The following PFKFB3 variants were observed in gnomAD, a reference collection of about 807,000 sequenced individuals.
PFKFB3 encodes 6-phosphofructo-2-kinase/fructose-2,6-bisphosphatase 3.
A neutral mutation model predicts 68.0 loss-of-function variants in PFKFB3; 33 were observed. The observed-to-expected ratio is 0.49, with a 90% CI of 0.37 to 0.65. The LOEUF is 0.65. Ranked by LOEUF, PFKFB3 falls within the 30% of genes least tolerant of loss-of-function variation. The pLI, the probability that PFKFB3 is intolerant of heterozygous loss-of-function variation, is 0.00. For synonymous variants in PFKFB3, 315 were observed against 288.2 expected, an observed-to-expected ratio of 1.09 and a Z score of -0.94; for missense variants, 586 against 712.2, an observed-to-expected ratio of 0.82 and a Z score of 2.02.
chr10:6,178,817 A>G (rs1008672806), intron 1 of PFKFB3, among the ~76,000 whole-genome samples: 8 of 152,156 alleles, frequency 5.3e-5, no homozygotes, highest in Non-Finnish European at 7.4e-5. Flanking sequence ...CTCGGCCCCA[A>G]TCTGCTTCTG....
chr10:6,293,634 C>T, the PFKFB3 span: 124,731 of 235,666 alleles, frequency 0.53, 35,951 homozygotes, highest in Non-Finnish European at 0.65. Context: ...GCGTGAGCCA[C>T]GACGTCCGGT....
intron 1 of PFKFB3, among the ~76,000 whole-genome samples, chr10:6,187,844 CT>C (rs936164983): frequency 2.0e-5 from 3 of 152,102 alleles, no homozygotes; most frequent in African/African-American, 7.2e-5. Flanking sequence ...TAATTCCAGA[CT>C]TAATAGAAAA....
chr10:6,231,398 G>T, intron 14 of PFKFB3: 1 of 1,594,552 alleles, frequency 6.3e-7, no homozygotes. Context: ...CGTGCAATGC[G>T]GGGCTCATCT....
intron 1 of PFKFB3, chr10:6,163,959 A>T (rs592866): frequency 0.61 from 92,514 of 152,130 alleles, 30,931 homozygotes; most frequent in Non-Finnish European, 0.77. Flanking sequence ...ATGTTTTCCG[A>T]GAAGGCCTGG....
chr10:6,266,523 T>A, the PFKFB3 span, among the ~76,000 whole-genome samples: 1 of 152,096 alleles, frequency 6.6e-6, no homozygotes, highest in Non-Finnish European at 1.5e-5. Context: ...GCTTCTAGGG[T>A]GTTTCAGTGG....
intron 1 of PFKFB3, among the ~76,000 whole-genome samples, chr10:6,167,340 G>A (rs1385890834): frequency 2.0e-5 from 3 of 152,248 alleles, no homozygotes; most frequent in African/African-American, 7.2e-5. Flanking sequence ...GGTCCTCAGT[G>A]TCTGTCTGAT....
chr10:6,263,319 T>TC, the PFKFB3 span, among the ~76,000 whole-genome samples: 1 of 152,108 alleles, frequency 6.6e-6, no homozygotes, highest in Non-Finnish European at 1.5e-5. Context: ...TAAGCGGTTT[T>TC]CCCGCCCTGG....
At chr10:6,205,114 G>A (rs1362890487) in intron 1 of PFKFB3, among the ~76,000 whole-genome samples, 1 of 152,228 alleles carries the variant, frequency 6.6e-6, no homozygotes, top group Non-Finnish European at 1.5e-5. Flanking sequence ...TTTGGCTAAA[G>A]CCAATGGATT....
chr10:6,175,195 A>G (rs1203119981), intron 1 of PFKFB3, among the ~76,000 whole-genome samples: 6 of 152,180 alleles, frequency 3.9e-5, no homozygotes, highest in Non-Finnish European at 2.9e-5. Context: ...TTTGGTTCCC[A>G]TGCACAAGTA....
intron 1 of PFKFB3, among the ~76,000 whole-genome samples, chr10:6,210,578 T>TCGATCTCCTGCCCTCG (rs1416799719): frequency 3.6e-5 from 2 of 55,056 alleles, no homozygotes; most frequent in African/African-American, 9.0e-5. Context: ...CAGGATAGTC[T>TCGATCTCCTGCCCTCG]TGATAGTGTT....
At chr10:6,308,834 A>T in the PFKFB3 span, among the ~76,000 whole-genome samples, 1 of 152,228 alleles carries the variant, frequency 6.6e-6, no homozygotes, top group Non-Finnish European at 1.5e-5. Flanking sequence ...TCCCCTGGAA[A>T]GTCATTTTAT....
Position 6,226,537 on chromosome 10 carries a change from A to C in PFKFB3, c.1515+172A>C, listed in dbSNP as rs1018430184. On this transcript the variant is annotated intron_variant, in intron 14 of 14. Coordinates refer to ENST00000379775, the MANE Select transcript of PFKFB3 (RefSeq NM_004566.4). ...GTGTGTTGTGGGGGCATGTGCACAC[A>C]CTCACGTGTTGAGGGAGAACATAGG... 41 of 603,706 alleles carry C rather than the reference A, an allele frequency of 6.8e-5. 1 individual carries two copies. The highest frequency in any genetic ancestry group is 9.0e-4 in the Middle Eastern group (2 of 2,234). The allele number at this position is 603,706 out of a possible 1,614,324, so 37.4% of individuals were successfully genotyped here. A position where few individuals can be genotyped will look rare whatever the true frequency, so the allele number is the denominator to read the frequency against.
At chr10:6,183,564 G>A (rs1305952378) in intron 1 of PFKFB3, among the ~76,000 whole-genome samples, 1 of 139,684 alleles carries the variant, frequency 7.2e-6, no homozygotes, top group East Asian at 2.1e-4. Flanking sequence ...TGAGGCAGGT[G>A]AATCACCTGA....
chr10:6,152,776 G>A lies in PFKFB3; in HGVS notation c.16+7763G>A, dbSNP rs142414821. ...TGTGCCTGTAGTGCCAGCTACTTGG[G>A]AGGCTGAGGTGGGAGGATTGCCTGA... On this transcript the variant is annotated intron_variant, in intron 1 of 14. Transcript: ENST00000379789. Among the ~76,000 whole-genome samples, 527 of 152,304 alleles carry A rather than the reference G, an allele frequency of 3.5e-3. 1 individual carries two copies. The highest frequency in any genetic ancestry group is 6.5e-3 in the Non-Finnish European group (439 of 68,028).
downstream of PFKFB3, among the ~76,000 whole-genome samples, chr10:6,259,197 A>ATCCATCTG (rs148619031): frequency 4.7e-4 from 4 of 8,508 alleles, no homozygotes; most frequent in Non-Finnish European, 4.6e-3. Flanking sequence ...CCATCCATCC[A>ATCCATCTG]TCCATCCATC....
At chr10:6,279,911 G>A in the PFKFB3 span, among the ~76,000 whole-genome samples, 2 of 151,088 alleles carry the variant, frequency 1.3e-5, no homozygotes, top group African/African-American at 4.9e-5. Flanking sequence ...TGCTGTGTGT[G>A]TAGGAAAGGC....
At position 6,228,698 on chromosome 10, in the gene PFKFB3, G is replaced by A. The variant is rs1296997357; in HGVS notation, c.1515+2333G>A. On this transcript the variant is annotated intron_variant, in intron 14 of 14. Coordinates refer to ENST00000379775, the MANE Select transcript of PFKFB3 (RefSeq NM_004566.4). The surrounding 1 kb of genome is among the most constrained non-coding windows in gnomAD (Gnocchi z 4.5). ...CAAACCTATGGGGAATAGTGGGAGT[G>A]TGGTGGGGCCTGAGCTCTGAGCCTC... is the stretch of plus-strand genomic sequence containing the variant. Among the ~76,000 whole-genome samples, 1 of 151,866 alleles carries A rather than the reference G, an allele frequency of 6.6e-6. No homozygotes were observed. The highest frequency in any genetic ancestry group is 2.4e-5 in the African/African-American group (1 of 41,326).
chr10:6,230,205 C>T (rs1463253658), intron 14 of PFKFB3, among the ~76,000 whole-genome samples: 2 of 152,206 alleles, frequency 1.3e-5, no homozygotes, highest in East Asian at 3.8e-4. Flanking sequence ...ACACCTGACT[C>T]AGGTTGGAAT....
In PFKFB3 at chr10:6,210,249, G is replaced by A. The variant is rs533744508; in HGVS notation, c.77-3374G>A. Among the ~76,000 whole-genome samples the A allele has an allele frequency of 1.3e-4, 15 of 119,962 alleles. 4 individuals carry two copies. In the South Asian group the frequency reaches 4.4e-3, roughly 35 times the overall value. The allele number at this position is 119,962 out of a possible 152,430, so 78.7% of individuals were successfully genotyped here. On this transcript the variant is annotated intron_variant, in intron 1 of 14. Coordinates refer to ENST00000379775, the MANE Select transcript of PFKFB3 (RefSeq NM_004566.4). ...AGAATAAGACAAAAAGATTTAGTAA[G>A]GATTTGTGATTACCCCATCTGTCCA...
Sources: gnomAD v4.1 joint callset for allele counts (sites outside exome capture counted in the v4.1 genomes callset) on GRCh38, gnomAD v4.1.1 for gene constraint, Gnocchi (gnomAD v3.1) non-coding constraint, MANE v1.5 for transcripts, NCBI Gene and HGNC (gene_info 2026-07-23, HGNC 2026-07-21) for gene names.